TXNRD3: variants seen among roughly 807,000 people sequenced by gnomAD.
TXNRD3 encodes the protein TXNRD3 neighbor gene protein.
A neutral mutation model predicts 78.2 loss-of-function variants in TXNRD3; 68 were observed. The observed-to-expected ratio is 0.87, with a 90% CI of 0.72 to 1.06. TXNRD3 has a LOEUF of 1.06. Ranked by LOEUF, TXNRD3 falls within the 50% of genes least tolerant of loss-of-function variation. The probability of loss-of-function intolerance (pLI) is 0.00; values close to 1 mark genes in which losing one functional copy is unlikely to be tolerated. For synonymous variants in TXNRD3, 296 were observed against 300.1 expected, an observed-to-expected ratio of 0.99 and a Z score of 0.14; for missense variants, 751 against 809.5, an observed-to-expected ratio of 0.93 and a Z score of 0.88.
Position 126,615,434 on chromosome 3 carries a change from A to G in TXNRD3, c.1553T>C (p.Val518Ala). 6.6e-7 allele frequency: 1 copy of G among 1,512,510 alleles called. No homozygotes were observed. The highest frequency in any genetic ancestry group is 8.8e-7 in the Non-Finnish European group (1 of 1,135,464). The allele number at this position is 1,512,510 out of a possible 1,614,324, so 93.7% of individuals were successfully genotyped here. A position where few individuals can be genotyped will look rare whatever the true frequency, so the allele number is the denominator to read the frequency against. The change falls in exon 13 of 16, where the codon GTG (valine) becomes GCG (alanine). Residue 518 changes from valine (V) to alanine (A), a missense_variant. Coordinates refer to ENST00000524230, the MANE Select transcript of TXNRD3 (RefSeq NM_052883.3). ...GCAACCATACTCCAGAGGAGTAAAC[A>G]CTGTAGTCGGAACATTAATATAATC...
At chr3:126,650,090 C>G (rs1448473838) in intron 1 of TXNRD3, among the ~76,000 whole-genome samples, 1 of 152,180 alleles carries the variant, frequency 6.6e-6, no homozygotes, top group Non-Finnish European at 1.5e-5. Context: ...TGTATGAATT[C>G]AGGACTGGGG....
chr3:126,634,114 A>T, intron 6 of TXNRD3, 63 bp from the exon 7 acceptor site: 1 of 1,356,056 alleles, frequency 7.4e-7, no homozygotes. Flanking sequence ...TAAATTACAT[A>T]TAACCACACA....
At chr3:126,611,014 T>C in intron 14 of TXNRD3, 23 bp downstream of exon 14, 2 of 1,273,086 alleles carry the variant, frequency 1.6e-6, no homozygotes, top group Non-Finnish European at 2.1e-6. Context: ...CACAGCATTT[T>C]GGCTTCTAGT....
chr3:126,642,049 C>T lies in TXNRD3; in HGVS notation c.695G>A (p.Trp232Ter). 2 of 1,533,912 alleles carry T rather than the reference C, an allele frequency of 1.3e-6. No homozygotes were observed. Among genetic ancestry groups the T allele is most frequent in the South Asian group, 1.2e-5 (1 of 83,588 alleles). The change falls in exon 6 of 16, where the codon TGG (tryptophan) becomes TAG (stop). Residue 232 changes from tryptophan to a stop codon, truncating the protein, a stop_gained. Coordinates refer to ENST00000524230, the MANE Select transcript of TXNRD3 (RefSeq NM_052883.3). LOFTEE classifies it high-confidence loss of function. ...TTACTCACCTTGTTGATTATATTCC[C>T]AGCCAAATTTCCTTGAGTCACATAA...
intron 12 of TXNRD3, among the ~76,000 whole-genome samples, chr3:126,616,743 C>A (rs146205897): frequency 0.018 from 2,722 of 152,230 alleles, 34 homozygotes; most frequent in South Asian, 0.033. Flanking sequence ...TTTGAGTGAG[C>A]TTCTATTCTT....
intron 3 of TXNRD3, 96 bp from the exon 4 acceptor site, chr3:126,644,497 T>C: frequency 3.6e-6 from 3 of 825,314 alleles, no homozygotes; most frequent in Admixed American, 3.0e-5. Context: ...ATTTCTTTTA[T>C]AAAAATCTTA....
rs1467808415 is a variant in TXNRD3, at chr3:126,631,827, A to G, written c.908T>C (p.Ile303Thr). The G allele has an allele frequency of 1.3e-6, 2 of 1,535,944 alleles. No individual in the cohort carries two copies. Among genetic ancestry groups the G allele is most frequent in the Admixed American group, 2.0e-5 (1 of 50,976 alleles). Reference sequence around the variant, plus strand: ...ATACCGTGGCCTTTCACCCGTTGCTATGACAAACTGTGCAGCAGTATAATA... The same window carrying G: ...ATACCGTGGCCTTTCACCCGTTGCTGTGACAAACTGTGCAGCAGTATAATA... The change falls in exon 8 of 16, where the codon ATA becomes ACA. Residue 303 changes from isoleucine (I) to threonine (T), a missense_variant. By Grantham distance (89) the Ile-to-Thr change is moderately conservative (BLOSUM62 -1). Coordinates refer to ENST00000524230, the MANE Select transcript of TXNRD3 (RefSeq NM_052883.3).
rs191603886 is a variant in TXNRD3, at chr3:126,626,439, C to T, written c.1290+2940G>A. On this transcript the variant is annotated intron_variant, in intron 10 of 15. Transcript: ENST00000524230. The stretch of plus-strand genomic sequence containing the variant: ...ATGCCCAAGATATATAGAAGCCCTG[C>T]AATTCAATAAAAATTCAAACGATCC... Among the ~76,000 whole-genome samples the T allele has an allele frequency of 1.2e-3, 180 of 152,144 alleles. 1 individual carries two copies. The highest frequency in any genetic ancestry group is 3.9e-3 in the South Asian group (19 of 4,820).
chr3:126,609,384 G>A lies in TXNRD3; in HGVS notation c.1729-751C>T, dbSNP rs535518697. Reference sequence around the variant, plus strand: ...GTCACACGCATCCACATCTGCTGACGGGCACTCCAGAGGGGAGGCAGGCAG... The same window carrying A: ...GTCACACGCATCCACATCTGCTGACAGGCACTCCAGAGGGGAGGCAGGCAG... On this transcript the variant is annotated intron_variant, in intron 14 of 15. Coordinates refer to ENST00000524230, the MANE Select transcript of TXNRD3 (RefSeq NM_052883.3). 5.9e-5 allele frequency: 10 copies of A among 169,450 alleles called. No homozygotes were observed. In the East Asian group the frequency reaches 1.0e-3, roughly 17 times the overall value. 10.5% of individuals were successfully genotyped at this position (169,450 alleles called of 1,614,324 possible). A position where few individuals can be genotyped will look rare whatever the true frequency, so the allele number is the denominator to read the frequency against.
At chr3:126,647,135 C>T (rs936660455) in intron 2 of TXNRD3, 101 bp downstream of exon 2, 3 of 910,960 alleles carry the variant, frequency 3.3e-6, no homozygotes, top group African/African-American at 3.4e-5. Flanking sequence ...CTCATTTAAC[C>T]CGAAGACAAG....
chr3:126,616,777 C>T (rs1445653642), intron 12 of TXNRD3, among the ~76,000 whole-genome samples: 1 of 152,298 alleles, frequency 6.6e-6, no homozygotes, highest in Admixed American at 6.5e-5. Context: ...AAAACCAAAA[C>T]ACCACCACGT....
intron 6 of TXNRD3, among the ~76,000 whole-genome samples, chr3:126,637,115 T>C (rs1335551133): frequency 6.6e-6 from 1 of 152,198 alleles, no homozygotes; most frequent in Non-Finnish European, 1.5e-5. Context: ...TTTTGGAGAC[T>C]GGGTTATTCT....
intron 10 of TXNRD3, among the ~76,000 whole-genome samples, chr3:126,628,545 G>C (rs1938633014): frequency 6.6e-6 from 1 of 151,818 alleles, no homozygotes; most frequent in African/African-American, 2.4e-5. Context: ...TAAAGATAGT[G>C]ACATTTTCAA....
At chr3:126,626,345 C>A (rs978878808) in intron 10 of TXNRD3, among the ~76,000 whole-genome samples, 2 of 152,110 alleles carry the variant, frequency 1.3e-5, no homozygotes, top group African/African-American at 4.8e-5. Flanking sequence ...AAAGATACTA[C>A]TGAAAAATAC....
At chr3:126,644,451 A>G in intron 3 of TXNRD3, 50 bp from the exon 4 acceptor site, 1 of 1,314,658 alleles carries the variant, frequency 7.6e-7, no homozygotes, top group South Asian at 1.3e-5. Context: ...AAAGTTTTAC[A>G]GCTATTTATG....
chr3:126,631,096 G>T (rs1938704779), intron 8 of TXNRD3, among the ~76,000 whole-genome samples, 159 bp from the exon 9 acceptor site: 1 of 152,096 alleles, frequency 6.6e-6, no homozygotes, highest in African/African-American at 2.4e-5. Context: ...GCTGTGGAGA[G>T]AATGTGGAAC....
At chr3:126,621,054 G>A (rs143850481) in intron 12 of TXNRD3, among the ~76,000 whole-genome samples, 1,801 of 152,276 alleles carry the variant, frequency 0.012, 19 homozygotes, top group Middle Eastern at 0.048. Flanking sequence ...CACGAGCCAA[G>A]CACTACAGGT....
intron 12 of TXNRD3, among the ~76,000 whole-genome samples, chr3:126,616,123 G>A (rs146551695): frequency 1.8e-4 from 27 of 152,340 alleles, no homozygotes; most frequent in Non-Finnish European, 3.4e-4. Flanking sequence ...ACATTGCAAG[G>A]TGGCACTCCT....
At chr3:126,653,047 G>C (rs1462627923) in intron 1 of TXNRD3, among the ~76,000 whole-genome samples, 1 of 152,134 alleles carries the variant, frequency 6.6e-6, no homozygotes, top group African/African-American at 2.4e-5. Flanking sequence ...CAGAAATTGG[G>C]TAAATAATTT....
Sources: gnomAD v4.1 joint callset for allele counts (sites outside exome capture counted in the v4.1 genomes callset) on GRCh38, gnomAD v4.1.1 for gene constraint, MANE v1.5 for transcripts, NCBI Gene and HGNC (gene_info 2026-07-23, HGNC 2026-07-21) for gene names.